Variants in FLT4 observed in about 807,000 individuals in gnomAD.
The protein encoded by FLT4 is vascular endothelial growth factor receptor 3.
A neutral mutation model predicts 163.2 loss-of-function variants in FLT4; 30 were observed. The ratio of observed to expected loss-of-function variants is 0.18; its 90% CI spans 0.14 to 0.25. The LOEUF (loss-of-function observed/expected upper bound fraction) is 0.25, where lower values mean the gene tolerates loss of function less well. Among genes scored for constraint, FLT4 ranks in the 10% least tolerant of loss-of-function variants. The pLI is 1.00. For missense variants in FLT4, 1,510 were observed against 1,863.8 expected, an observed-to-expected ratio of 0.81 and a Z score of 3.50; for synonymous variants, 884 against 789.5, an observed-to-expected ratio of 1.12 and a Z score of -2.01.
chr5:180,631,977 G>A (rs371899871), intron 1 of FLT4, among the ~76,000 whole-genome samples, 199 bp from the exon 2 acceptor site: 15 of 152,090 alleles, frequency 9.9e-5, no homozygotes, highest in East Asian at 3.9e-4. Context: ...AGACAGCCAC[G>A]AACCTCTCCC....
intron 1 of FLT4, among the ~76,000 whole-genome samples, chr5:180,647,937 A>C (rs1287137319): frequency 1.3e-5 from 2 of 151,894 alleles, no homozygotes; most frequent in Admixed American, 1.3e-4. Flanking sequence ...TTCTCCTTAT[A>C]CCTGCAGAAT....
intron 29 of FLT4, among the ~76,000 whole-genome samples, chr5:180,604,497 ACC>A (rs1761683872): frequency 6.6e-6 from 1 of 151,742 alleles, no homozygotes. Context: ...CTGGTGGTCC[ACC>A]CTTCAGAGAG....
At chr5:180,611,637 C>G (rs1762211069) in intron 26 of FLT4, 158 bp from the exon 27 acceptor site, 1 of 787,778 alleles carries the variant, frequency 1.3e-6, no homozygotes. Context: ...GCCCTGCCCT[C>G]AGCCCTCGCT....
chr5:180,619,968 G>A (rs1242240266), intron 17 of FLT4, among the ~76,000 whole-genome samples, 199 bp from the exon 18 acceptor site: 3 of 152,222 alleles, frequency 2.0e-5, no homozygotes, highest in Non-Finnish European at 4.4e-5. Context: ...GATACACCCT[G>A]CTCAGGGTGG....
At chr5:180,634,648 T>C (rs1368595669) in intron 1 of FLT4, among the ~76,000 whole-genome samples, 3 of 117,354 alleles carry the variant, frequency 2.6e-5, no homozygotes. Flanking sequence ...TGAGTGGAGA[T>C]CGCACCACTG....
chr5:180,646,815 C>T (rs963473908), intron 1 of FLT4, among the ~76,000 whole-genome samples: 3 of 152,188 alleles, frequency 2.0e-5, no homozygotes, highest in African/African-American at 7.2e-5. Context: ...GTGAAGAATT[C>T]GCCAGACAGA....
intron 26 of FLT4, 177 bp from the exon 27 acceptor site, chr5:180,611,656 G>A (rs765388423): frequency 2.2e-4 from 146 of 669,282 alleles, no homozygotes; most frequent in Admixed American, 8.8e-4. Flanking sequence ...CTCTGCCCTC[G>A]GGACTGCTTG....
rs141948473 is a variant in FLT4 at position 180,631,708 on chromosome 5, G to C, written c.129C>G (p.Thr43=). 3 of 1,610,352 alleles carry C rather than the reference G, an allele frequency of 1.9e-6. No homozygotes were observed. In the African/African-American group the frequency reaches 4.0e-5, roughly 21 times the overall value. ...TGCAGGAGATGGACAGGCTGTCACC[G>C]GTGTCGATGACGTGTGACTCCTCCG... ...NITEESHVID[T]GDSLSISCRG... The change falls in exon 2 of 30, where the codon ACC becomes ACG. Residue 43 remains threonine (T), a synonymous_variant. Coordinates refer to ENST00000261937, the MANE Select transcript of FLT4 (RefSeq NM_182925.5).
intron 8 of FLT4, 66 bp downstream of exon 8, chr5:180,628,816 A>C: frequency 9.0e-7 from 1 of 1,112,658 alleles, no homozygotes; most frequent in Non-Finnish European, 1.4e-6. Context: ...GTCTTCCCCT[A>C]TGGTCTGTTT....
Position 180,603,204 on chromosome 5 carries a change from G to C in FLT4, c.4080C>G (p.Asp1360Glu). ...TGTCCGATGCTGCTTAGTAGCTGTT[G>C]TCTGTGAAGAAAGTCACGCGGGCAG... ...SPSARVTFFT[D>E]NSY is the part of the protein sequence containing the mutation. Residue 1360 changes from aspartate (D) to glutamate (E), a missense_variant, in exon 30 of 30, where the codon GAC becomes GAG. Asp to Glu is a conservative substitution (Grantham distance 45, BLOSUM62 2). Coordinates refer to ENST00000261937, the MANE Select transcript of FLT4 (RefSeq NM_182925.5). 3 of 1,613,990 alleles carry C rather than the reference G, an allele frequency of 1.9e-6. No individual in the cohort carries two copies. Among genetic ancestry groups the C allele is most frequent in the Non-Finnish European group, 2.5e-6 (3 of 1,180,030 alleles).
chr5:180,606,587 C>T (rs1022894744), intron 29 of FLT4, among the ~76,000 whole-genome samples: 2 of 152,214 alleles, frequency 1.3e-5, no homozygotes, highest in Admixed American at 6.5e-5. Context: ...AGGAGCTGTG[C>T]TGTTTCTCGA....
intron 10 of FLT4, among the ~76,000 whole-genome samples, chr5:180,624,777 G>A (rs1464290381): frequency 1.3e-5 from 2 of 152,236 alleles, no homozygotes; most frequent in African/African-American, 2.4e-5. Flanking sequence ...TAGGAGCTGC[G>A]GCCTCCCTCT....
rs749861024 is a variant in FLT4 at position 180,620,596 on chromosome 5, G to A, written c.2406+13C>T. 5.0e-6 allele frequency: 8 copies of A among 1,584,332 alleles called. No individual in the cohort carries two copies. The highest frequency in any genetic ancestry group is 5.0e-5 in the Admixed American group (3 of 59,940). On this transcript the variant is annotated intron_variant, in intron 16 of 29. Transcript: ENST00000261937. This position sits in a 1 kb window ranked among gnomAD's most constrained non-coding sequence, Gnocchi z 4.4. ...TGAGAGAGACTCCATCAGGAGCGGG[G>A]AGGGACACTCACCCTCCTCATGTTA...
chr5:180,629,010 G>A lies in FLT4; in HGVS notation c.986-11C>T, dbSNP rs759540464. 6.2e-6 allele frequency: 10 copies of A among 1,604,494 alleles called. No individual in the cohort carries two copies. The East Asian group carries it at 1.8e-4, about 29-fold the overall frequency. On this transcript the variant is annotated splice_polypyrimidine_tract_variant and intron_variant, in intron 7 of 29. Coordinates refer to ENST00000261937, the MANE Select transcript of FLT4 (RefSeq NM_182925.5). ...TGATGAAGGGATTTTCTGCCGGACA[G>A]GAGAAGTCACTGTAAATCCAGGACT...
chr5:180,642,807 G>C (rs1261162612), intron 1 of FLT4, among the ~76,000 whole-genome samples: 1 of 152,204 alleles, frequency 6.6e-6, no homozygotes, highest in Non-Finnish European at 1.5e-5. Context: ...ACACAGTAAT[G>C]ATAAACAGCA....
intron 1 of FLT4, among the ~76,000 whole-genome samples, chr5:180,648,111 C>T (rs1394605440): frequency 6.6e-6 from 1 of 152,206 alleles, no homozygotes; most frequent in Non-Finnish European, 1.5e-5. Context: ...TTCTACAGCC[C>T]TGCAGTCCAA....
intron 2 of FLT4, among the ~76,000 whole-genome samples, chr5:180,631,141 C>CA (rs1764091112): frequency 6.6e-6 from 1 of 151,892 alleles, no homozygotes; most frequent in South Asian, 2.1e-4. Context: ...TGTGAGGTGT[C>CA]AGGAGTGGGG....
At chr5:180,628,469 T>A (rs1581671756) in intron 8 of FLT4, among the ~76,000 whole-genome samples, 1 of 152,198 alleles carries the variant, frequency 6.6e-6, no homozygotes, top group Admixed American at 6.5e-5. Flanking sequence ...CCCTGTGGCA[T>A]CTCCAAATTT....
At position 180,624,814 on chromosome 5, in the gene FLT4, T is replaced by C. The variant is rs58573467; in HGVS notation, c.1422-753A>G. Among the ~76,000 whole-genome samples, 77 of 152,368 alleles carry C rather than the reference T, an allele frequency of 5.1e-4. 1 individual carries two copies. Among genetic ancestry groups the C allele is most frequent in the African/African-American group, 1.8e-3 (74 of 41,594 alleles). On this transcript the variant is annotated intron_variant, in intron 10 of 29. Coordinates refer to ENST00000261937, the MANE Select transcript of FLT4 (RefSeq NM_182925.5). ...GGCAGGGTGTGCATCCCCAGCAAGCTTGGCCTCCTGCCAGGATTGGGGGGG... is the reference window on the plus strand; with the variant it reads ...GGCAGGGTGTGCATCCCCAGCAAGCCTGGCCTCCTGCCAGGATTGGGGGGG...
Sources: gnomAD v4.1 joint callset for allele counts (sites outside exome capture counted in the v4.1 genomes callset) on GRCh38, gnomAD v4.1.1 for gene constraint, Gnocchi (gnomAD v3.1) non-coding constraint, MANE v1.5 for transcripts, NCBI Gene and HGNC (gene_info 2026-07-23, HGNC 2026-07-21) for gene names.